The following SLC27A4 variants were observed in gnomAD, a reference collection of about 807,000 sequenced individuals.
The protein encoded by SLC27A4 is solute carrier family 27 member 4.
Under a neutral mutation model 64.4 loss-of-function variants are expected in SLC27A4, and 33 were observed. That is an observed-to-expected ratio of 0.51 (90% CI 0.39 to 0.68). The LOEUF is 0.68. Among genes scored for constraint, SLC27A4 ranks in the 30% least tolerant of loss-of-function variants. The pLI, the probability that SLC27A4 is intolerant of heterozygous loss-of-function variation, is 0.00. For missense variants in SLC27A4, 824 were observed against 883.5 expected (o/e 0.93, Z 0.85); for synonymous variants, 377 against 370.0 (o/e 1.02, Z -0.22).
At chr9:128,347,030 A>T (rs1202768767) in intron 3 of SLC27A4, among the ~76,000 whole-genome samples, 1 of 152,122 alleles carries the variant, frequency 6.6e-6, no homozygotes, top group Non-Finnish European at 1.5e-5. Flanking sequence ...TACCTGAAGC[A>T]CTAGCAACAT....
intron 1 of SLC27A4, chr9:128,342,440 T>C: frequency 3.2e-6 from 5 of 1,584,998 alleles, no homozygotes; most frequent in Non-Finnish European, 4.3e-6. Flanking sequence ...TTTAGCTGTT[T>C]AACTTTGTAA....
In SLC27A4 at chr9:128,360,798, A is replaced by G; in HGVS notation, c.*307A>G. ...GAGGGTAGGGAGAGGACAAGGGGTC[A>G]CCGAGCCCTTCCCAGAGAGCAGGGA... On this transcript the variant is annotated 3_prime_UTR_variant, in exon 13 of 13. Coordinates refer to ENST00000300456, the MANE Select transcript of SLC27A4 (RefSeq NM_005094.4). 4.8e-6 allele frequency: 2 copies of G among 414,670 alleles called. No homozygotes were observed. Among genetic ancestry groups the G allele is most frequent in the Non-Finnish European group, 9.1e-6 (2 of 220,724 alleles). The allele number at this position is 414,670 out of a possible 1,614,324, so 25.7% of individuals were successfully genotyped here.
At chr9:128,350,123 A>G (rs1051914029) in intron 4 of SLC27A4, among the ~76,000 whole-genome samples, 189 bp from the exon 5 acceptor site, 3 of 152,214 alleles carry the variant, frequency 2.0e-5, no homozygotes, top group African/African-American at 4.8e-5. Flanking sequence ...GCAAGGGCCC[A>G]GGAAATATTT....
chr9:128,352,877 C>T lies in SLC27A4; in HGVS notation c.987+130C>T. On this transcript the variant is annotated intron_variant, in intron 7 of 12. Coordinates refer to ENST00000300456, the MANE Select transcript of SLC27A4 (RefSeq NM_005094.4). ...AAGGGCTCATTTGTGGCAAAGTTCC[C>T]ATTGTTCAGATGGGAAGGCTGAGAC... 2.8e-6 allele frequency: 3 copies of T among 1,065,702 alleles called. No homozygotes were observed. The South Asian group carries it at 4.0e-5, about 14-fold the overall frequency. 66.0% of individuals were successfully genotyped at this position (1,065,702 alleles called of 1,614,324 possible).
intron 12 of SLC27A4, among the ~76,000 whole-genome samples, chr9:128,356,005 C>T (rs1020575037): frequency 2.0e-4 from 30 of 151,372 alleles, no homozygotes; most frequent in African/African-American, 7.1e-4. Context: ...CCAGGCACAG[C>T]GCTAAGCCTC....
chr9:128,355,373 C>G (rs537881942), intron 10 of SLC27A4, 25 bp from the exon 11 acceptor site: 90 of 1,612,964 alleles, frequency 5.6e-5, no homozygotes, highest in Non-Finnish European at 7.3e-5. Flanking sequence ...CAGGCCCAGC[C>G]CTGCCTCATC....
chr9:128,343,260 G>C lies in SLC27A4; in HGVS notation c.128G>C (p.Arg43Pro). ...GGATCTGGCGGCTGGCGCTTCATCC[G>C]GGTCTTCATCAAGACCATCAGGCGC... ...YLGSGGWRFIRVFIKTIRRDI... is the reference protein window; with the variant it reads ...YLGSGGWRFIPVFIKTIRRDI... The change falls in exon 2 of 13, where the codon CGG (arginine) becomes CCG (proline). Residue 43 changes from arginine to proline, a missense_variant. Coordinates refer to ENST00000300456, the MANE Select transcript of SLC27A4 (RefSeq NM_005094.4). 14 of 1,614,094 alleles carry C rather than the reference G, an allele frequency of 8.7e-6. No individual in the cohort carries two copies. Among genetic ancestry groups the C allele is most frequent in the Non-Finnish European group, 1.2e-5 (14 of 1,180,002 alleles).
At chr9:128,348,367 C>G (rs763874905) in intron 3 of SLC27A4, among the ~76,000 whole-genome samples, 178 bp from the exon 4 acceptor site, 1 of 152,192 alleles carries the variant, frequency 6.6e-6, no homozygotes, top group Non-Finnish European at 1.5e-5. Flanking sequence ...TGTGGTTAGC[C>G]CATGGCTAAT....
In SLC27A4 at chr9:128,355,128, G is replaced by T; in HGVS notation, c.1400G>T (p.Gly467Val). 2 of 1,613,674 alleles carry T rather than the reference G, an allele frequency of 1.2e-6. No homozygotes were observed. Residue 467 changes from glycine to valine, a missense_variant, in exon 10 of 13, where the codon GGC (glycine) becomes GTC (valine). Coordinates refer to ENST00000300456, the MANE Select transcript of SLC27A4 (RefSeq NM_005094.4). ...CGCTTCGATGGCTACCTCAACCAGGGCGCCAACAACAAGAAGATTGCCAAG... is the reference window on the plus strand; with the variant it reads ...CGCTTCGATGGCTACCTCAACCAGGTCGCCAACAACAAGAAGATTGCCAAG... ...LRRFDGYLNQ[G>V]ANNKKIAKDV...
At chr9:128,343,662 G>A (rs1490510595) in intron 2 of SLC27A4, among the ~76,000 whole-genome samples, 6 of 152,184 alleles carry the variant, frequency 3.9e-5, no homozygotes, top group Admixed American at 3.9e-4. Flanking sequence ...AGGTTGGCAG[G>A]GGTGTGAGAT....
At position 128,355,646 on chromosome 9, in the gene SLC27A4, C is replaced by T. The variant is rs371117682; in HGVS notation, c.1628-4C>T. On this transcript the variant is annotated splice_region_variant and splice_polypyrimidine_tract_variant and intron_variant, in intron 11 of 12. Transcript: ENST00000300456. Reference sequence around the variant, plus strand: ...CTACTCAGTGTCTACCCTGCCACCCCCAGGAACCGAGGGCCGGGCCGGAAT... The same window carrying T: ...CTACTCAGTGTCTACCCTGCCACCCTCAGGAACCGAGGGCCGGGCCGGAAT... 4.0e-4 allele frequency: 639 copies of T among 1,609,844 alleles called. 1 individual carries two copies. Among genetic ancestry groups the T allele is most frequent in the Non-Finnish European group, 5.2e-4 (616 of 1,180,006 alleles).
chr9:128,351,919 G>T (rs888067646), intron 6 of SLC27A4, among the ~76,000 whole-genome samples: 5 of 151,842 alleles, frequency 3.3e-5, no homozygotes, highest in Non-Finnish European at 7.4e-5. Context: ...AGGTGTGGTG[G>T]CTCACGCCTG....
intron 7 of SLC27A4, 133 bp downstream of exon 7, chr9:128,352,880 T>C (rs1268605108): frequency 6.6e-6 from 7 of 1,056,510 alleles, no homozygotes; most frequent in Non-Finnish European, 1.0e-5. Flanking sequence ...AAGTTCCCAT[T>C]GTTCAGATGG....
intron 3 of SLC27A4, among the ~76,000 whole-genome samples, chr9:128,346,873 T>C (rs1832665079): frequency 6.6e-6 from 1 of 151,104 alleles, no homozygotes; most frequent in African/African-American, 2.4e-5. Flanking sequence ...AGCATGGTGG[T>C]GCGCACCTGT....
Position 128,345,525 on chromosome 9 carries a change from G to T in SLC27A4, c.532G>T (p.Val178Phe), listed in dbSNP as rs1269572706. ...CLTTSRARALVFGSEMASAIC... is the reference protein window; with the variant it reads ...CLTTSRARALFFGSEMASAIC... Reference sequence around the variant, plus strand: ...CACCACCTCGCGCGCACGGGCCCTTGTCTTTGGCAGCGAAATGGCCTCAGG... The same window carrying T: ...CACCACCTCGCGCGCACGGGCCCTTTTCTTTGGCAGCGAAATGGCCTCAGG... Residue 178 changes from valine to phenylalanine, a missense_variant, in exon 3 of 13, where the codon GTC (valine) becomes TTC (phenylalanine). Val to Phe is a conservative substitution (Grantham distance 50, BLOSUM62 -1). Transcript: ENST00000300456. This position sits in a 1 kb window ranked among gnomAD's most constrained non-coding sequence, Gnocchi z 4.1. 6.2e-7 allele frequency: 1 copy of T among 1,607,762 alleles called. No homozygotes were observed. The highest frequency in any genetic ancestry group is 1.1e-5 in the South Asian group (1 of 90,506).
At position 128,353,317 on chromosome 9, in the gene SLC27A4, G is replaced by C. The variant is rs894325323; in HGVS notation, c.1197+83G>C. ...GGATGCAGAGGGGAGGGCAGAGTTC[G>C]AGCGTGAGAGTGTGGGTGCTGGAGT... On this transcript the variant is annotated intron_variant, in intron 8 of 12. Coordinates refer to ENST00000300456, the MANE Select transcript of SLC27A4 (RefSeq NM_005094.4). The surrounding 1 kb of genome is among the most constrained non-coding windows in gnomAD (Gnocchi z 4.9). 6.2e-7 allele frequency: 1 copy of C among 1,610,084 alleles called. No homozygotes were observed. Among genetic ancestry groups the C allele is most frequent in the East Asian group, 2.2e-5 (1 of 44,858 alleles).
chr9:128,348,921 C>G (rs1037872101), intron 4 of SLC27A4, among the ~76,000 whole-genome samples: 2 of 152,160 alleles, frequency 1.3e-5, no homozygotes. Flanking sequence ...GTGCCAGATA[C>G]AGGGCTGAGA....
In SLC27A4 at chr9:128,359,658, A is replaced by G. The variant is rs112210674; in HGVS notation, c.1775-676A>G. ...AAAGAAAGAAAGAATTACAAAACTT[A>G]GCCAGGCACAGTGGTGCACACCTAT... On this transcript the variant is annotated intron_variant, in intron 12 of 12. Transcript: ENST00000300456. Among the ~76,000 whole-genome samples the G allele has an allele frequency of 7.3e-4, 111 of 152,028 alleles. 4 individuals carry two copies. The highest frequency in any genetic ancestry group is 2.4e-3 in the African/African-American group (98 of 41,468).
intron 12 of SLC27A4, among the ~76,000 whole-genome samples, chr9:128,357,668 T>A (rs959485733): frequency 1.8e-4 from 27 of 152,164 alleles, no homozygotes; most frequent in African/African-American, 6.5e-4. Flanking sequence ...TCTCAAGAGT[T>A]CCCTGGTGGG....
Sources: gnomAD v4.1 joint callset for allele counts (sites outside exome capture counted in the v4.1 genomes callset) on GRCh38, gnomAD v4.1.1 for gene constraint, Gnocchi (gnomAD v3.1) non-coding constraint, MANE v1.5 for transcripts, NCBI Gene and HGNC (gene_info 2026-07-23, HGNC 2026-07-21) for gene names.